Variants in ADAMTS3 observed in about 807,000 individuals in gnomAD.
The protein encoded by ADAMTS3 is A disintegrin and metalloproteinase with thrombospondin motifs 3.
ADAMTS3 carries 73 observed loss-of-function variants against 129.0 expected under a neutral mutation model. The ratio of observed to expected loss-of-function variants is 0.57; its 90% CI spans 0.47 to 0.69. The LOEUF (loss-of-function observed/expected upper bound fraction) is 0.69. Ranked by LOEUF, ADAMTS3 falls within the 30% of genes least tolerant of loss-of-function variation. The pLI, the probability that ADAMTS3 is intolerant of heterozygous loss-of-function variation, is 0.00. For missense variants in ADAMTS3, 1,457 were observed against 1,514.5 expected, an observed-to-expected ratio of 0.96 and a Z score of 0.63; for synonymous variants, 477 against 510.8, an observed-to-expected ratio of 0.93 and a Z score of 0.89.
At chr4:72,513,129 T>A (rs544471175) in intron 3 of ADAMTS3, among the ~76,000 whole-genome samples, 12 of 152,282 alleles carry the variant, frequency 7.9e-5, no homozygotes, top group African/African-American at 2.6e-4. Context: ...ACGACTCCCA[T>A]CTCCTGTCTT....
chr4:72,333,847 G>GATTT (rs1560476575), intron 5 of ADAMTS3, among the ~76,000 whole-genome samples: 2 of 32,914 alleles, frequency 6.1e-5, no homozygotes, highest in African/African-American at 1.0e-4. Context: ...TTGTTTGCTT[G>GATTT]CTTTTTTTTT....
intron 4 of ADAMTS3, among the ~76,000 whole-genome samples, chr4:72,398,927 A>G (rs770385733): frequency 4.7e-4 from 72 of 152,212 alleles, no homozygotes; most frequent in Non-Finnish European, 9.6e-4. Context: ...ATCTAAGGTG[A>G]TAAGTGCAAT....
chr4:72,487,526 T>C (rs1439418394), intron 3 of ADAMTS3, among the ~76,000 whole-genome samples: 2 of 152,124 alleles, frequency 1.3e-5, no homozygotes, highest in East Asian at 3.9e-4. Flanking sequence ...TCCCTCACCA[T>C]ACATGGGCAA....
At chr4:72,557,240 C>A (rs1721790258) in intron 2 of ADAMTS3, among the ~76,000 whole-genome samples, 1 of 151,818 alleles carries the variant, frequency 6.6e-6, no homozygotes, top group Non-Finnish European at 1.5e-5. Flanking sequence ...GAATGACTTT[C>A]ATCAGAAATG....
intron 5 of ADAMTS3, among the ~76,000 whole-genome samples, chr4:72,337,237 G>T (rs1720014148): frequency 6.6e-6 from 1 of 151,942 alleles, no homozygotes; most frequent in Admixed American, 6.6e-5. Flanking sequence ...ATTTACTTTA[G>T]AATAATTTGT....
At position 72,539,385 on chromosome 4, in the gene ADAMTS3, A is replaced by G. The variant is rs1337181815; in HGVS notation, c.504+9093T>C. ...TCCAAAGAAAATATACAAGTGGCCAACAGGCACACGAAGAGATGTTCAACT... is the reference window on the plus strand; with the variant it reads ...TCCAAAGAAAATATACAAGTGGCCAGCAGGCACACGAAGAGATGTTCAACT... On this transcript the variant is annotated intron_variant, in intron 3 of 21. Coordinates refer to ENST00000286657, the MANE Select transcript of ADAMTS3 (RefSeq NM_014243.3). Among the ~76,000 whole-genome samples, 4 of 151,934 alleles carry G rather than the reference A, an allele frequency of 2.6e-5. No individual in the cohort carries two copies. In the East Asian group the frequency reaches 7.8e-4, roughly 29 times the overall value.
chr4:72,457,470 G>A (rs1284856149), intron 3 of ADAMTS3, among the ~76,000 whole-genome samples: 1 of 151,582 alleles, frequency 6.6e-6, no homozygotes, highest in Non-Finnish European at 1.5e-5. Flanking sequence ...ATTTTTAGAT[G>A]TTTTACTGTA....
chr4:72,443,202 A>G (rs1309704900), intron 3 of ADAMTS3, among the ~76,000 whole-genome samples: 1 of 151,718 alleles, frequency 6.6e-6, no homozygotes, highest in Non-Finnish European at 1.5e-5. Flanking sequence ...AGACATGTAT[A>G]TGTAAAACTA....
intron 4 of ADAMTS3, among the ~76,000 whole-genome samples, chr4:72,402,737 G>A (rs1325236809): frequency 3.9e-5 from 6 of 152,026 alleles, no homozygotes; most frequent in Admixed American, 6.6e-5. Flanking sequence ...TTCAAATGTC[G>A]GAATCTGTTT....
chr4:72,448,082 G>A (rs970552131), intron 3 of ADAMTS3, among the ~76,000 whole-genome samples: 3 of 151,630 alleles, frequency 2.0e-5, no homozygotes, highest in South Asian at 2.1e-4. Context: ...CCTTCCAAAC[G>A]AAGCTAACTC....
Position 72,282,888 on chromosome 4 carries a change from G to T in ADAMTS3, c.*248C>A. ...TCAGAGAGCGACCAACACAATCTTA[G>T]CAACATATTTTTCTTTTGTAATAAT... is the stretch of plus-strand genomic sequence containing the variant. On this transcript the variant is annotated 3_prime_UTR_variant, in exon 22 of 22. Coordinates refer to ENST00000286657, the MANE Select transcript of ADAMTS3 (RefSeq NM_014243.3). 2.9e-6 allele frequency: 1 copy of T among 346,584 alleles called. No homozygotes were observed. The highest frequency in any genetic ancestry group is 5.2e-6 in the Non-Finnish European group (1 of 190,766). The allele number at this position is 346,584 out of a possible 1,614,324, so 21.5% of individuals were successfully genotyped here. A position where few individuals can be genotyped will look rare whatever the true frequency, so the allele number is the denominator to read the frequency against.
At chr4:72,315,408 G>A (rs1357703962) in intron 11 of ADAMTS3, among the ~76,000 whole-genome samples, 1 of 152,182 alleles carries the variant, frequency 6.6e-6, no homozygotes, top group Non-Finnish European at 1.5e-5. Context: ...TAAGAGAGGG[G>A]TAGAAGGAGA....
At chr4:72,310,791 A>C in intron 14 of ADAMTS3, among the ~76,000 whole-genome samples, 1 of 152,120 alleles carries the variant, frequency 6.6e-6, no homozygotes, top group East Asian at 1.9e-4. Context: ...CCCAACCTAG[A>C]GGCCTCAGAG....
chr4:72,307,896 CA>C (rs1401915675), intron 15 of ADAMTS3, among the ~76,000 whole-genome samples: 1 of 151,930 alleles, frequency 6.6e-6, no homozygotes, highest in Non-Finnish European at 1.5e-5. Flanking sequence ...ATTGGTATGA[CA>C]GATGAAAATT....
intron 3 of ADAMTS3, among the ~76,000 whole-genome samples, chr4:72,502,853 AC>A (rs1164206950): frequency 6.6e-6 from 1 of 151,868 alleles, no homozygotes; most frequent in Non-Finnish European, 1.5e-5. Flanking sequence ...ACTCCTCCTA[AC>A]GTTATCCCTC....
At chr4:72,515,166 G>A (rs545666946) in intron 3 of ADAMTS3, among the ~76,000 whole-genome samples, 1 of 152,078 alleles carries the variant, frequency 6.6e-6, no homozygotes, top group African/African-American at 2.4e-5. Flanking sequence ...GACATGAACT[G>A]ATCCTTTTTT....
intron 4 of ADAMTS3, among the ~76,000 whole-genome samples, chr4:72,390,008 C>T (rs1721549557): frequency 6.6e-6 from 1 of 152,026 alleles, no homozygotes; most frequent in Admixed American, 6.6e-5. Flanking sequence ...GAGAAGAGGG[C>T]AGGAAAAGGA....
At chr4:72,317,241 G>A (rs180905108) in intron 10 of ADAMTS3, among the ~76,000 whole-genome samples, 2 of 151,858 alleles carry the variant, frequency 1.3e-5, no homozygotes, top group South Asian at 2.1e-4. Flanking sequence ...CCTTATTATC[G>A]AATGTGGAAA....
chr4:72,390,023 G>T (rs7660290), intron 4 of ADAMTS3, among the ~76,000 whole-genome samples: 90,525 of 151,980 alleles, frequency 0.6, 32,333 homozygotes, highest in Non-Finnish European at 0.82. Flanking sequence ...AAAGGAGAGG[G>T]GAAGCGGAAC....
Sources: allele counts gnomAD v4.1 joint callset (sites outside exome capture counted in the v4.1 genomes callset), GRCh38; gene constraint gnomAD v4.1.1; transcripts MANE v1.5; gene names NCBI Gene and HGNC (gene_info 2026-07-23, HGNC 2026-07-21).